Variants in TUBE1 observed in about 807,000 individuals in gnomAD.
The protein encoded by TUBE1 is tubulin epsilon 1, also known as tubulin epsilon chain.
Under a neutral mutation model 53.5 loss-of-function variants are expected in TUBE1, and 34 were observed. That is an observed-to-expected ratio of 0.64 (90% confidence interval 0.48 to 0.85). The LOEUF is 0.85. TUBE1 is among the 40% of genes least tolerant of loss of function. The probability of loss-of-function intolerance (pLI) is 0.00; values close to 1 mark genes in which losing one functional copy is unlikely to be tolerated. For synonymous variants in TUBE1, 177 were observed against 198.4 expected (o/e 0.89, Z 0.91); for missense variants, 532 against 570.5 (o/e 0.93, Z 0.69).
chr6:112,072,890 T>C lies in TUBE1; in HGVS notation c.962A>G (p.Gln321Arg). 2 of 1,612,856 alleles carry C rather than the reference T, an allele frequency of 1.2e-6. No individual in the cohort carries two copies. Among genetic ancestry groups the C allele is most frequent in the Non-Finnish European group, 1.7e-6 (2 of 1,179,422 alleles). Residue 321 changes from glutamine to arginine, a missense_variant, in exon 10 of 12, where the codon CAG (glutamine) becomes CGG (arginine). By Grantham distance (43) the Gln-to-Arg change is conservative. Coordinates refer to ENST00000368662, the MANE Select transcript of TUBE1 (RefSeq NM_016262.5). ...TTTACTAAAGGCATCTGAAAACATC[T>C]GATCCAATCTGCAACAATGAAATTG... The part of the protein sequence containing the change: ...DVNIPPRRLD[Q>R]MFSDAFSKDH...
At chr6:112,076,261 T>C in intron 7 of TUBE1, 61 bp downstream of exon 7, 4 of 1,484,680 alleles carry the variant, frequency 2.7e-6, no homozygotes, top group Non-Finnish European at 2.7e-6. Context: ...TAAACACACA[T>C]ACATAATACA....
chr6:112,084,860 C>T lies in TUBE1; in HGVS notation c.153-614G>A, dbSNP rs587692048. 2.0e-5 allele frequency among the ~76,000 whole-genome samples: 3 copies of T among 152,280 alleles called. No homozygotes were observed. In the South Asian group the frequency reaches 6.2e-4, roughly 32 times the overall value. On this transcript the variant is annotated intron_variant, in intron 3 of 11. Coordinates refer to ENST00000368662, the MANE Select transcript of TUBE1 (RefSeq NM_016262.5). The stretch of plus-strand genomic sequence containing the variant: ...ATCTAAGGTTGTTCTCAGAATTTCA[C>T]GTTGGAAATAAGTTGCCAAAGTACT...
rs587691983 is a variant in TUBE1, at chr6:112,076,581, A to G, written c.449-72T>C. On this transcript the variant is annotated intron_variant, in intron 6 of 11. Transcript: ENST00000368662. Reference sequence around the variant, plus strand: ...ATAATTGTGAAGAATTTGAAACTTTATTTTTTTTGAGACAGGGTCTTGCTC... The same window carrying G: ...ATAATTGTGAAGAATTTGAAACTTTGTTTTTTTTGAGACAGGGTCTTGCTC... The G allele has an allele frequency of 6.2e-5, 85 of 1,372,468 alleles. No homozygotes were observed. The African/African-American group carries it at 1.1e-3, about 18-fold the overall frequency. 85.0% of individuals were successfully genotyped at this position (1,372,468 alleles called of 1,614,324 possible). A position where few individuals can be genotyped will look rare whatever the true frequency, so the allele number is the denominator to read the frequency against.
At chr6:112,083,032 C>G (rs1430314836) in intron 4 of TUBE1, among the ~76,000 whole-genome samples, 1 of 151,994 alleles carries the variant, frequency 6.6e-6, no homozygotes, top group African/African-American at 2.4e-5. Flanking sequence ...CTTACTGATA[C>G]GGTTGTAGGA....
chr6:112,082,343 CAA>C (rs1554316871), intron 4 of TUBE1, among the ~76,000 whole-genome samples: 1 of 151,990 alleles, frequency 6.6e-6, no homozygotes, highest in Non-Finnish European at 1.5e-5. Context: ...CTAAACAAAC[CAA>C]AGAGAGACTT....
intron 4 of TUBE1, among the ~76,000 whole-genome samples, chr6:112,081,841 G>A (rs1554316802): frequency 6.6e-6 from 1 of 150,510 alleles, no homozygotes; most frequent in Non-Finnish European, 1.5e-5. Context: ...AGGACATCTA[G>A]TAAAACGTAA....
At chr6:112,082,669 T>C (rs1049353622) in intron 4 of TUBE1, among the ~76,000 whole-genome samples, 1 of 152,202 alleles carries the variant, frequency 6.6e-6, no homozygotes, top group Admixed American at 6.5e-5. Context: ...CTTTGGAAAT[T>C]AACTAAACTT....
At chr6:112,078,794 G>A (rs1378108665) in intron 6 of TUBE1, 3 of 151,892 alleles carry the variant, frequency 2.0e-5, no homozygotes, top group Admixed American at 2.0e-4. Flanking sequence ...TGATTATGAG[G>A]ATCTTTTAAA....
intron 2 of TUBE1, 71 bp downstream of exon 2, chr6:112,087,162 C>T: frequency 5.9e-6 from 8 of 1,352,716 alleles, no homozygotes; most frequent in Non-Finnish European, 8.2e-6. Context: ...AAGCTCAAGT[C>T]GATTATTTCC....
At position 112,074,765 on chromosome 6, in the gene TUBE1, C is replaced by G. The variant is rs184542791; in HGVS notation, c.898G>C (p.Val300Leu). 1.9e-6 allele frequency: 3 copies of G among 1,607,620 alleles called. No individual in the cohort carries two copies. Among genetic ancestry groups the G allele is most frequent in the Admixed American group, 1.7e-5 (1 of 59,190 alleles). Reference sequence around the variant, plus strand: ...GTATACAGAGGTGTTAGGCTTGACACGAGATAATGAAGTTGAGGAAAAGGA... The same window carrying G: ...GTATACAGAGGTGTTAGGCTTGACAGGAGATAATGAAGTTGAGGAAAAGGA... ...LVPFPQLHYL[V>L]SSLTPLYTLT... is the part of the protein sequence containing the mutation. The change falls in exon 9 of 12, where the codon GTG (valine) becomes CTG (leucine). Residue 300 changes from valine to leucine, a missense_variant. By Grantham distance (32) the Val-to-Leu change is conservative. Transcript: ENST00000368662.
At chr6:112,077,314 A>C (rs1309497863) in intron 6 of TUBE1, 1 of 152,234 alleles carries the variant, frequency 6.6e-6, no homozygotes, top group African/African-American at 2.4e-5. Flanking sequence ...CAGAAACTCG[A>C]GGAATCTCAT....
Position 112,084,255 on chromosome 6 carries a change from TA to T in TUBE1, c.153-10del. ...CACCATCACCAACCACTCTGAAAGATAAAAAAATGAGAAATGGTCATAAGAT... is the reference window on the plus strand; with the variant it reads ...CACCATCACCAACCACTCTGAAAGATAAAAAATGAGAAATGGTCATAAGAT... On this transcript the variant is annotated splice_polypyrimidine_tract_variant and intron_variant, in intron 3 of 11. Transcript: ENST00000368662. 1 of 1,610,670 alleles carries T rather than the reference TA, an allele frequency of 6.2e-7. No homozygotes were observed. The highest frequency in any genetic ancestry group is 8.5e-7 in the Non-Finnish European group (1 of 1,177,730).
Position 112,083,920 on chromosome 6 carries a change from T to A in TUBE1, c.210+269A>T, listed in dbSNP as rs1583598554. 19 of 389,938 alleles carry A rather than the reference T, an allele frequency of 4.9e-5. No homozygotes were observed. In the East Asian group the frequency reaches 9.6e-4, roughly 20 times the overall value. 24.2% of individuals were successfully genotyped at this position (389,938 alleles called of 1,614,324 possible). A position where few individuals can be genotyped will look rare whatever the true frequency, so the allele number is the denominator to read the frequency against. ...AAACTGTACTAGTACGTATTTCAGG[T>A]CCTTAGAGTTAAGAATGCTCCTTTT... On this transcript the variant is annotated intron_variant, in intron 4 of 11. Coordinates refer to ENST00000368662, the MANE Select transcript of TUBE1 (RefSeq NM_016262.5).
intron 8 of TUBE1, 118 bp from the exon 9 acceptor site, chr6:112,074,968 C>A (rs1027827337): frequency 4.2e-5 from 22 of 519,222 alleles, no homozygotes; most frequent in African/African-American, 2.4e-4. Context: ...TTCTTCAGTG[C>A]AGAACACATG....
intron 3 of TUBE1, 90 bp downstream of exon 3, chr6:112,086,466 C>T: frequency 2.3e-6 from 2 of 863,272 alleles, no homozygotes; most frequent in Non-Finnish European, 3.6e-6. Context: ...AACTTCGCAG[C>T]TGGCTATTTT....
chr6:112,071,923 G>T lies in TUBE1; in HGVS notation c.1248C>A (p.Phe416Leu). 1.2e-6 allele frequency: 2 copies of T among 1,604,318 alleles called. No homozygotes were observed. Among genetic ancestry groups the T allele is most frequent in the East Asian group, 4.5e-5 (2 of 44,824 alleles). ...KPTFMELKER[F>L]MRLYKKKAHL... ...TTACCTTTTTCTTGTAGAGCCTCAT[G>T]AATCTCTCTTTCAGTTCCATGAAGG... Residue 416 changes from phenylalanine (F) to leucine (L), a missense_variant, in exon 11 of 12, where the codon TTC becomes TTA. Physicochemically the swap from Phe to Leu is conservative, Grantham distance 22 (BLOSUM62 0). Coordinates refer to ENST00000368662, the MANE Select transcript of TUBE1 (RefSeq NM_016262.5).
At position 112,071,912 on chromosome 6, in the gene TUBE1, T is replaced by C. The variant is rs1554315389; in HGVS notation, c.1259A>G (p.Tyr420Cys). ...MELKERFMRLYKKKAHLHHYL... is the reference protein window; with the variant it reads ...MELKERFMRLCKKKAHLHHYL... Reference sequence around the variant, plus strand: ...CTGTACAATAATTACCTTTTTCTTGTAGAGCCTCATGAATCTCTCTTTCAG... The same window carrying C: ...CTGTACAATAATTACCTTTTTCTTGCAGAGCCTCATGAATCTCTCTTTCAG... The change falls in exon 11 of 12, where the codon TAC (tyrosine) becomes TGC (cysteine). Residue 420 changes from tyrosine to cysteine, a missense_variant. Transcript: ENST00000368662. 1 of 1,600,276 alleles carries C rather than the reference T, an allele frequency of 6.2e-7. No homozygotes were observed. The highest frequency in any genetic ancestry group is 8.5e-7 in the Non-Finnish European group (1 of 1,176,576).
At chr6:112,086,711 C>A in intron 2 of TUBE1, 103 bp from the exon 3 acceptor site, 1 of 725,674 alleles carries the variant, frequency 1.4e-6, no homozygotes, top group South Asian at 1.9e-5. Flanking sequence ...TAGGATGAGA[C>A]TCTGATAAGA....
chr6:112,074,298 CTG>C (rs1776917861), intron 9 of TUBE1, among the ~76,000 whole-genome samples: 2 of 145,850 alleles, frequency 1.4e-5, no homozygotes, highest in South Asian at 4.1e-4. Flanking sequence ...TGGTACTGGG[CTG>C]TGACAGTAGC....
Sources: allele counts gnomAD v4.1 joint callset (sites outside exome capture counted in the v4.1 genomes callset), GRCh38; gene constraint gnomAD v4.1.1; transcripts MANE v1.5; gene names NCBI Gene and HGNC (gene_info 2026-07-23, HGNC 2026-07-21).